FER: variants seen among roughly 807,000 people sequenced by gnomAD.
The protein encoded by FER is tyrosine-protein kinase Fer.
In FER, 63 loss-of-function variants were observed where a neutral mutation model predicts 111.0. The ratio of observed to expected loss-of-function variants is 0.57; its 90% CI spans 0.46 to 0.70. The LOEUF (loss-of-function observed/expected upper bound fraction) is 0.70. Ranked by LOEUF, FER falls within the 30% of genes least tolerant of loss-of-function variation. The pLI, the probability that FER is intolerant of heterozygous loss-of-function variation, is 0.00. For synonymous variants in FER, 327 were observed against 313.9 expected (o/e 1.04, Z -0.44); for missense variants, 914 against 954.0 (o/e 0.96, Z 0.55).
At chr5:108,752,154 A>G (rs1750576182) in intron 1 of FER, among the ~76,000 whole-genome samples, 2 of 152,116 alleles carry the variant, frequency 1.3e-5, no homozygotes, top group South Asian at 2.1e-4. Flanking sequence ...TTAGTTGTAG[A>G]TTCAGTGAAC....
At chr5:108,852,529 A>G (rs1055186361) in intron 5 of FER, among the ~76,000 whole-genome samples, 2 of 152,114 alleles carry the variant, frequency 1.3e-5, no homozygotes, top group South Asian at 2.1e-4. Flanking sequence ...TGTTCAGGTG[A>G]TATATGGAGG....
chr5:108,892,256 A>G (rs1231709014), intron 9 of FER, among the ~76,000 whole-genome samples: 3 of 152,044 alleles, frequency 2.0e-5, no homozygotes, highest in Admixed American at 6.6e-5. Context: ...CTTCCACAAC[A>G]GTTGAACTAG....
At chr5:109,059,777 C>T (rs9885203) in intron 16 of FER, among the ~76,000 whole-genome samples, 23,669 of 151,944 alleles carry the variant, frequency 0.16, 1,903 homozygotes, top group South Asian at 0.21. Flanking sequence ...TCAAGTCTTC[C>T]CAAAACGTTA....
intron 16 of FER, among the ~76,000 whole-genome samples, chr5:109,058,724 C>CTTTTTTTTTTTTTTT (rs746184286): frequency 1.6e-4 from 12 of 76,274 alleles, no homozygotes; most frequent in African/African-American, 4.1e-4. Flanking sequence ...TTCTTTCTTT[C>CTTTTTTTTTTTTTTT]TTTTTTTTTT....
intron 9 of FER, among the ~76,000 whole-genome samples, chr5:108,890,830 G>A (rs1320179882): frequency 6.6e-6 from 1 of 152,082 alleles, no homozygotes; most frequent in Non-Finnish European, 1.5e-5. Flanking sequence ...CTAGTTTGGA[G>A]CTAGTACAAA....
chr5:108,940,285 G>GT (rs1428465120), intron 10 of FER, among the ~76,000 whole-genome samples: 19 of 151,984 alleles, frequency 1.3e-4, no homozygotes. Context: ...CATAAAAGAT[G>GT]TTTTTATGTT....
intron 16 of FER, among the ~76,000 whole-genome samples, chr5:109,099,540 AG>A (rs200787831): frequency 0.01 from 1,546 of 151,644 alleles, 24 homozygotes; most frequent in African/African-American, 0.036. Context: ...ATAAATGTAG[AG>A]TAAATATATT....
intron 10 of FER, among the ~76,000 whole-genome samples, chr5:108,912,784 G>T (rs1422637306): frequency 2.0e-5 from 3 of 152,190 alleles, no homozygotes; most frequent in African/African-American, 7.2e-5. Flanking sequence ...AAAATTTGGG[G>T]GGTATTACCT....
chr5:108,914,706 AT>A (rs1331076359), intron 10 of FER, among the ~76,000 whole-genome samples: 1 of 152,198 alleles, frequency 6.6e-6, no homozygotes, highest in Non-Finnish European at 1.5e-5. Context: ...AGTAGTCTTT[AT>A]TCTGATAGGC....
chr5:108,954,552 T>G (rs1266398686), intron 11 of FER, among the ~76,000 whole-genome samples, 177 bp from the exon 12 acceptor site: 1 of 152,072 alleles, frequency 6.6e-6, no homozygotes, highest in Admixed American at 6.6e-5. Context: ...CATATGTATT[T>G]GTGGTAAACT....
chr5:109,122,576 A>G (rs892079053), intron 17 of FER, among the ~76,000 whole-genome samples: 5 of 150,568 alleles, frequency 3.3e-5, no homozygotes, highest in African/African-American at 4.9e-5. Flanking sequence ...GTAAATATCT[A>G]TTAGGTCCAA....
At chr5:108,795,409 A>G (rs1053500729) in intron 2 of FER, among the ~76,000 whole-genome samples, 1 of 55,750 alleles carries the variant, frequency 1.8e-5, no homozygotes, top group Non-Finnish European at 4.0e-5. Context: ...TTTTTTTTTT[A>G]TGTTCCCTCT....
intron 13 of FER, among the ~76,000 whole-genome samples, chr5:109,036,007 T>G (rs1255166170): frequency 1.3e-5 from 2 of 152,182 alleles, no homozygotes; most frequent in Non-Finnish European, 2.9e-5. Flanking sequence ...GTTCTTTGTT[T>G]TGTTGTTGAG....
At chr5:109,021,638 A>G (rs1476846961) in intron 13 of FER, among the ~76,000 whole-genome samples, 1 of 152,102 alleles carries the variant, frequency 6.6e-6, no homozygotes, top group Non-Finnish European at 1.5e-5. Flanking sequence ...AACATTACTG[A>G]AGCTTTAGGA....
intron 10 of FER, among the ~76,000 whole-genome samples, chr5:108,911,929 T>C (rs1411539995): frequency 6.6e-6 from 1 of 152,176 alleles, no homozygotes; most frequent in African/African-American, 2.4e-5. Context: ...CCACGTGTTG[T>C]GGCAGGTACC....
At chr5:108,850,935 T>C (rs955529506) in intron 5 of FER, among the ~76,000 whole-genome samples, 3 of 152,212 alleles carry the variant, frequency 2.0e-5, no homozygotes, top group Non-Finnish European at 4.4e-5. Context: ...TGCTTCTTCC[T>C]ATGAAGAACA....
At chr5:109,068,850 G>A (rs1775434017) in intron 16 of FER, among the ~76,000 whole-genome samples, 1 of 152,154 alleles carries the variant, frequency 6.6e-6, no homozygotes. Flanking sequence ...GTAACATTAT[G>A]TATAGATGGA....
chr5:109,110,636 T>C (rs1475595681), intron 17 of FER, among the ~76,000 whole-genome samples: 3 of 152,106 alleles, frequency 2.0e-5, no homozygotes, highest in Non-Finnish European at 4.4e-5. Flanking sequence ...GGAATTCTTT[T>C]TTATATATTT....
chr5:109,162,787 A>G (rs1165293380), intron 17 of FER, among the ~76,000 whole-genome samples: 4 of 152,172 alleles, frequency 2.6e-5, no homozygotes, highest in African/African-American at 9.6e-5. Context: ...CTCAGGAAAA[A>G]TAACAGATTC....
Sources: gnomAD v4.1 joint callset for allele counts (sites outside exome capture counted in the v4.1 genomes callset) on GRCh38, gnomAD v4.1.1 for gene constraint, MANE v1.5 for transcripts, NCBI Gene and HGNC (gene_info 2026-07-23, HGNC 2026-07-21) for gene names.